Variants in NOX4 observed in about 807,000 individuals in gnomAD.
The protein encoded by NOX4 is NADPH oxidase 4.
In NOX4, 69 loss-of-function variants were observed where a neutral mutation model predicts 87.6. That is an observed-to-expected ratio of 0.79 (90% CI 0.65 to 0.96). NOX4 has a LOEUF of 0.96. Among genes scored for constraint, NOX4 ranks in the 40% least tolerant of loss-of-function variants. The probability of loss-of-function intolerance (pLI) is 0.00; values close to 1 mark genes in which losing one functional copy is unlikely to be tolerated. For synonymous variants in NOX4, 275 were observed against 238.2 expected (o/e 1.15, Z -1.42); for missense variants, 680 against 681.5 (o/e 1.00, Z 0.02).
chr11:89,498,465 A>C (rs1436685945), upstream of NOX4, among the ~76,000 whole-genome samples: 1 of 152,176 alleles, frequency 6.6e-6, no homozygotes. Context: ...AATTGCTGAA[A>C]CTTGTTCACC....
chr11:89,430,011 G>C (rs941042472), intron 7 of NOX4, among the ~76,000 whole-genome samples: 10 of 152,086 alleles, frequency 6.6e-5, no homozygotes, highest in African/African-American at 1.7e-4. Context: ...CCAACATGAT[G>C]AAGTGGGCTT....
At chr11:89,465,384 T>C (rs752179802) in intron 2 of NOX4, among the ~76,000 whole-genome samples, 1 of 152,210 alleles carries the variant, frequency 6.6e-6, no homozygotes, top group Non-Finnish European at 1.5e-5. Context: ...CAGTCTATCA[T>C]TGATGGGCAT....
At chr11:89,362,451 C>T (rs1431490558) in intron 12 of NOX4, among the ~76,000 whole-genome samples, 1 of 152,072 alleles carries the variant, frequency 6.6e-6, no homozygotes, top group Non-Finnish European at 1.5e-5. Context: ...TGTCCAGTAT[C>T]TTGATCATGC....
the NOX4 span, among the ~76,000 whole-genome samples, chr11:89,569,436 G>A: frequency 3.3e-5 from 5 of 152,038 alleles, no homozygotes. Flanking sequence ...TATACACTCA[G>A]CCAACAAGCA....
intron 11 of NOX4, among the ~76,000 whole-genome samples, chr11:89,375,102 A>G (rs757940688): frequency 1.3e-5 from 2 of 152,170 alleles, no homozygotes; most frequent in Non-Finnish European, 2.9e-5. Context: ...ATCTATGTCC[A>G]AGGTTTGGAA....
At chr11:89,489,334 T>C (rs1232053014) in intron 2 of NOX4, among the ~76,000 whole-genome samples, 2 of 152,130 alleles carry the variant, frequency 1.3e-5, no homozygotes, top group African/African-American at 4.8e-5. Context: ...AAGCAAAATG[T>C]GTTTTTTTCT....
chr11:89,345,224 T>A (rs957262531), intron 13 of NOX4, among the ~76,000 whole-genome samples: 1 of 152,150 alleles, frequency 6.6e-6, no homozygotes, highest in African/African-American at 2.4e-5. Context: ...ATTTGTAGTT[T>A]TCACCATTCC....
chr11:89,475,686 T>C (rs10830277), intron 2 of NOX4, among the ~76,000 whole-genome samples: 33,559 of 151,754 alleles, frequency 0.22, 4,768 homozygotes, highest in African/African-American at 0.35. Context: ...CAGAATACAA[T>C]AGAATAGGAA....
At chr11:89,349,932 A>G (rs568025095) in intron 13 of NOX4, among the ~76,000 whole-genome samples, 1 of 152,196 alleles carries the variant, frequency 6.6e-6, no homozygotes, top group Admixed American at 6.5e-5. Context: ...TCTAGTCTAC[A>G]TGTTATGAAC....
At chr11:89,414,561 C>T (rs561774761) in intron 8 of NOX4, among the ~76,000 whole-genome samples, 1 of 148,902 alleles carries the variant, frequency 6.7e-6, no homozygotes, top group East Asian at 2.0e-4. Context: ...TAGTCTTCTT[C>T]ATTGTTATTT....
At chr11:89,574,422 C>T in the NOX4 span, among the ~76,000 whole-genome samples, 1 of 152,162 alleles carries the variant, frequency 6.6e-6, no homozygotes, top group Non-Finnish European at 1.5e-5. Flanking sequence ...AAAAAGCAGG[C>T]TCTTCTCTCT....
intron 7 of NOX4, among the ~76,000 whole-genome samples, chr11:89,422,266 G>A (rs374024989): frequency 1.2e-3 from 189 of 151,478 alleles, no homozygotes; most frequent in South Asian, 9.1e-3. Flanking sequence ...ATGATATAAG[G>A]CTAAGAAGCA....
chr11:89,326,922 C>G (rs752344634), intron 17 of NOX4, 46 bp from the exon 18 acceptor site: 3 of 1,594,248 alleles, frequency 1.9e-6, no homozygotes, highest in Non-Finnish European at 2.6e-6. Context: ...TAAAATTAGG[C>G]AGAACATGAC....
chr11:89,456,696 C>T (rs1374938709), intron 2 of NOX4, among the ~76,000 whole-genome samples: 1 of 152,186 alleles, frequency 6.6e-6, no homozygotes, highest in Non-Finnish European at 1.5e-5. Flanking sequence ...GGCAACAAGA[C>T]AGCCCATGAC....
chr11:89,369,636 T>C (rs757713771), intron 12 of NOX4, among the ~76,000 whole-genome samples: 2 of 152,114 alleles, frequency 1.3e-5, no homozygotes, highest in South Asian at 2.1e-4. Context: ...TTTGGGTATA[T>C]AGCAGTTGAT....
At chr11:89,454,929 G>C (rs1308335859) in intron 2 of NOX4, among the ~76,000 whole-genome samples, 3 of 152,090 alleles carry the variant, frequency 2.0e-5, no homozygotes, top group Admixed American at 1.3e-4. Flanking sequence ...AGTTGAAAAG[G>C]AATTCTGTAC....
chr11:89,474,458 C>CAAAAAA (rs67342388), intron 2 of NOX4, among the ~76,000 whole-genome samples: 1 of 97,042 alleles, frequency 1.0e-5, no homozygotes, highest in Non-Finnish European at 2.2e-5. Flanking sequence ...TCTATAATAC[C>CAAAAAA]AAAAAAAAAA....
intron 6 of NOX4, among the ~76,000 whole-genome samples, chr11:89,439,506 C>T (rs992415914): frequency 8.6e-5 from 13 of 152,022 alleles, no homozygotes; most frequent in African/African-American, 2.4e-4. Flanking sequence ...ATTATTGTGA[C>T]GTTTCATCAT....
At chr11:89,347,326 A>G (rs1946258773) in intron 13 of NOX4, among the ~76,000 whole-genome samples, 1 of 152,234 alleles carries the variant, frequency 6.6e-6, no homozygotes, top group Non-Finnish European at 1.5e-5. Flanking sequence ...ATATAAAAGC[A>G]GCCCACATGG....
Sources: allele counts gnomAD v4.1 joint callset (sites outside exome capture counted in the v4.1 genomes callset), GRCh38; gene constraint gnomAD v4.1.1; transcripts MANE v1.5; gene names NCBI Gene and HGNC (gene_info 2026-07-23, HGNC 2026-07-21).